CLPB: variants seen among roughly 807,000 people sequenced by gnomAD.
The protein encoded by CLPB is ClpB family mitochondrial disaggregase.
Under a neutral mutation model 78.4 loss-of-function variants are expected in CLPB, and 40 were observed. The ratio of observed to expected loss-of-function variants is 0.51; its 90% CI spans 0.40 to 0.66. CLPB has a LOEUF of 0.66. Ranked by LOEUF, CLPB falls within the 30% of genes least tolerant of loss-of-function variation. The pLI, the probability that CLPB is intolerant of heterozygous loss-of-function variation, is 0.00. For missense variants in CLPB, 780 were observed against 886.9 expected (o/e 0.88, Z 1.53); for synonymous variants, 333 against 348.0 (o/e 0.96, Z 0.48).
rs978101297 is a variant in CLPB at position 72,312,645 on chromosome 11, G to T, written c.989-4041C>A. 6.6e-6 allele frequency among the ~76,000 whole-genome samples: 1 copy of T among 152,180 alleles called. No homozygotes were observed. The highest frequency in any genetic ancestry group is 2.4e-5 in the African/African-American group (1 of 41,446). Reference sequence around the variant, plus strand: ...TTACAGAGAAGAGGAGAAGAGTAAGGCCTAGACTTGAGTCTCTTAGTGCCC... The same window carrying T: ...TTACAGAGAAGAGGAGAAGAGTAAGTCCTAGACTTGAGTCTCTTAGTGCCC... On this transcript the variant is annotated intron_variant, in intron 7 of 15. Transcript: ENST00000538039. The surrounding 1 kb of genome is among the most constrained non-coding windows in gnomAD (Gnocchi z 4.2).
rs1398895146 is a variant in CLPB at position 72,290,127 on chromosome 11, A to C, written c.*3240T>G. On this transcript the variant is annotated 3_prime_UTR_variant, in exon 16 of 16. Transcript: ENST00000538039. ...ATAAAAGGAACTGGGAGCTTCTTAG[A>C]GAATGACTGATGCCAGGGCTGAGAT... The C allele has an allele frequency of 6.6e-6, 1 of 152,236 alleles. No individual in the cohort carries two copies. The highest frequency in any genetic ancestry group is 1.5e-5 in the Non-Finnish European group (1 of 68,054). 9.4% of individuals were successfully genotyped at this position (152,236 alleles called of 1,614,324 possible).
chr11:72,332,453 C>T (rs991595416), intron 5 of CLPB, among the ~76,000 whole-genome samples: 5 of 152,000 alleles, frequency 3.3e-5, no homozygotes, highest in African/African-American at 9.7e-5. Flanking sequence ...CACGCCACTG[C>T]ACTCCAGTCT....
At chr11:72,396,238 G>A (rs755665243) in intron 3 of CLPB, among the ~76,000 whole-genome samples, 3 of 152,084 alleles carry the variant, frequency 2.0e-5, no homozygotes, top group African/African-American at 4.8e-5. Context: ...AGGCAGTGCC[G>A]GGAACCAGTC....
chr11:72,354,319 C>A (rs1465312526), intron 5 of CLPB: 1 of 396,520 alleles, frequency 2.5e-6, no homozygotes. Context: ...ATTTTAGATT[C>A]CTGGGAGAGA....
Position 72,293,525 on chromosome 11 carries a change from A to C in CLPB, c.1876T>G (p.Ser626Ala). 1 of 1,614,032 alleles carries C rather than the reference A, an allele frequency of 6.2e-7. No homozygotes were observed. Reference sequence around the variant, plus strand: ...GGGCTTTTGAGTAGCTGCTTGTCTGAGTCCTCCACCGTGATGCGCAAAGTA... The same window carrying C: ...GGGCTTTTGAGTAGCTGCTTGTCTGCGTCCTCCACCGTGATGCGCAAAGTA... ...GCTLRITVED[S>A]DKQLLKSPEL... Residue 626 changes from serine to alanine, a missense_variant, in exon 16 of 16, where the codon TCA (serine) becomes GCA (alanine). By Grantham distance (99) the Ser-to-Ala change is moderately conservative. This residue lies in a region of CLPB where 272 missense variants were observed against 304.0 expected (regional missense o/e 0.89). Coordinates refer to ENST00000538039, the MANE Select transcript of CLPB (RefSeq NM_001258392.3).
chr11:72,304,815 A>C (rs1292884013), intron 9 of CLPB, among the ~76,000 whole-genome samples: 2 of 152,188 alleles, frequency 1.3e-5, no homozygotes, highest in African/African-American at 2.4e-5. Flanking sequence ...GGCAAATTAA[A>C]GGGAGCTTCT....
intron 3 of CLPB, among the ~76,000 whole-genome samples, chr11:72,384,514 G>A (rs1288254005): frequency 1.3e-5 from 2 of 152,250 alleles, no homozygotes; most frequent in African/African-American, 4.8e-5. Flanking sequence ...GGCAAGAGAG[G>A]AAGAGAGGAA....
rs117838928 is a variant in CLPB at position 72,302,032 on chromosome 11, A to C, written c.1168-68T>G. The C allele has an allele frequency of 1.6e-3, 2,536 of 1,550,606 alleles. 2 individuals are homozygous for C. Among genetic ancestry groups the C allele is most frequent in the Non-Finnish European group, 2.0e-3 (2,287 of 1,134,364 alleles). ...TTTTAGTTTCCAACATGGGGCATGC[A>C]TGGGAAGATGACTTTATACGCTATT... is the stretch of plus-strand genomic sequence containing the variant. On this transcript the variant is annotated intron_variant, in intron 10 of 15. Coordinates refer to ENST00000538039, the MANE Select transcript of CLPB (RefSeq NM_001258392.3).
At chr11:72,388,439 G>C (rs1855149553) in intron 3 of CLPB, among the ~76,000 whole-genome samples, 1 of 151,940 alleles carries the variant, frequency 6.6e-6, no homozygotes, top group African/African-American at 2.4e-5. Context: ...TTTTAGTACA[G>C]CCGGGGTTTC....
At position 72,343,893 on chromosome 11, in the gene CLPB, C is replaced by T. The variant is rs1253979380; in HGVS notation, c.776-14089G>A. ...ACCCTGTGCCCAGAACAGTAATTGG[C>T]ACTCAGTAGGAGTTTAAAAAATACC... On this transcript the variant is annotated intron_variant, in intron 5 of 15. Coordinates refer to ENST00000538039, the MANE Select transcript of CLPB (RefSeq NM_001258392.3). Among the ~76,000 whole-genome samples the T allele has an allele frequency of 2.6e-5, 4 of 152,182 alleles. No individual in the cohort carries two copies. The East Asian group carries it at 7.7e-4, about 29-fold the overall frequency.
intron 2 of CLPB, among the ~76,000 whole-genome samples, chr11:72,422,167 G>A (rs929087586): frequency 1.3e-5 from 2 of 151,136 alleles, no homozygotes; most frequent in Non-Finnish European, 2.9e-5. Context: ...TTGGGAGGCT[G>A]AGGCAGGAGA....
chr11:72,402,424 G>C (rs1855590001), intron 3 of CLPB, among the ~76,000 whole-genome samples: 1 of 152,180 alleles, frequency 6.6e-6, no homozygotes, highest in Non-Finnish European at 1.5e-5. Context: ...GTGAGAATTA[G>C]ATAACTCACT....
At chr11:72,427,788 T>C (rs956908939) in intron 2 of CLPB, among the ~76,000 whole-genome samples, 2 of 152,204 alleles carry the variant, frequency 1.3e-5, no homozygotes, top group Non-Finnish European at 2.9e-5. Flanking sequence ...ACTCAGAATG[T>C]GTCCCTATTG....
At chr11:72,430,394 G>A (rs377120346) in intron 1 of CLPB, 31 bp from the exon 2 acceptor site, 24 of 1,607,698 alleles carry the variant, frequency 1.5e-5, no homozygotes, top group African/African-American at 4.0e-5. Context: ...GGTCAGATCC[G>A]CGGCCAGGAC....
At chr11:72,416,676 G>A (rs1418504389) in intron 2 of CLPB, among the ~76,000 whole-genome samples, 1 of 145,050 alleles carries the variant, frequency 6.9e-6, no homozygotes, top group Non-Finnish European at 1.5e-5. Flanking sequence ...GCAGAGGTTG[G>A]ATTGAGCCAA....
At chr11:72,427,261 G>A (rs1856412592) in intron 2 of CLPB, among the ~76,000 whole-genome samples, 1 of 152,208 alleles carries the variant, frequency 6.6e-6, no homozygotes, top group Admixed American at 6.5e-5. Context: ...CTAAGGACAG[G>A]AGCTGGGGGA....
intron 3 of CLPB, among the ~76,000 whole-genome samples, chr11:72,382,598 A>T (rs1189785300): frequency 6.6e-6 from 1 of 151,832 alleles, no homozygotes. Context: ...CACCAGGCCC[A>T]CTCACCTGCT....
At chr11:72,334,937 C>T (rs977308698) in intron 5 of CLPB, among the ~76,000 whole-genome samples, 3 of 152,262 alleles carry the variant, frequency 2.0e-5, no homozygotes, top group Non-Finnish European at 2.9e-5. Flanking sequence ...GCTGCGGCTG[C>T]GCCTGCCCGC....
chr11:72,317,285 C>A, intron 6 of CLPB, 65 bp from the exon 7 acceptor site: 1 of 1,234,030 alleles, frequency 8.1e-7, no homozygotes, highest in East Asian at 2.5e-5. Flanking sequence ...TTCACTCTAT[C>A]CCCCAACTCG....
Sources: allele counts gnomAD v4.1 joint callset (sites outside exome capture counted in the v4.1 genomes callset), GRCh38; gene constraint gnomAD v4.1.1; regional missense constraint gnomAD v4.1.1; non-coding constraint Gnocchi (gnomAD v3.1); transcripts MANE v1.5; gene names NCBI Gene and HGNC (gene_info 2026-07-23, HGNC 2026-07-21).